The following MAP4 variants were observed in gnomAD, a reference collection of about 807,000 sequenced individuals.
The protein encoded by MAP4 is microtubule-associated protein 4.
In MAP4, 76 loss-of-function variants were observed where a neutral mutation model predicts 170.2. The ratio of observed to expected loss-of-function variants is 0.45; its 90% confidence interval spans 0.37 to 0.54. The LOEUF (loss-of-function observed/expected upper bound fraction) is 0.54, where lower values mean the gene tolerates loss of function less well. Among genes scored for constraint, MAP4 ranks in the 20% least tolerant of loss-of-function variants. The pLI, the probability that MAP4 is intolerant of heterozygous loss-of-function variation, is 0.00. For synonymous variants in MAP4, 909 were observed against 994.5 expected (o/e 0.91, Z 1.62); for missense variants, 2,506 against 2,748.0 (o/e 0.91, Z 1.97).
intron 10 of MAP4, among the ~76,000 whole-genome samples, chr3:47,899,855 G>C (rs9846669): frequency 1.3e-5 from 2 of 152,192 alleles, no homozygotes; most frequent in Non-Finnish European, 1.5e-5. Flanking sequence ...TGAAGAAAGC[G>C]CATGGATTCC....
intron 1 of MAP4, among the ~76,000 whole-genome samples, chr3:48,030,062 T>G (rs2100115211): frequency 6.8e-6 from 1 of 147,788 alleles, no homozygotes; most frequent in Non-Finnish European, 1.5e-5. Context: ...ATATTACATA[T>G]TCACATGTAA....
chr3:47,977,446 A>G (rs2100082824), intron 3 of MAP4, among the ~76,000 whole-genome samples: 1 of 152,218 alleles, frequency 6.6e-6, no homozygotes, highest in Non-Finnish European at 1.5e-5. Flanking sequence ...GGCAAAATAA[A>G]TAACTCCTAA....
rs761883593 is a variant in MAP4, at chr3:47,918,801, C to G, written c.570G>C (p.Trp190Cys). ...PCNTAVVPQG[W>C]SVEALNSPHS... is the part of the protein sequence containing the mutation. Reference sequence around the variant, plus strand: ...GTGGAGAGTTTAAGGCTTCCACAGACCACCCCTGAGGTACAACAGCTGTGT... The same window carrying G: ...GTGGAGAGTTTAAGGCTTCCACAGAGCACCCCTGAGGTACAACAGCTGTGT... The change falls in exon 6 of 21, where the codon TGG becomes TGC. Residue 190 changes from tryptophan (W) to cysteine (C), a missense_variant. Trp to Cys is a radical substitution (Grantham distance 215, BLOSUM62 -2). This residue lies in a region of MAP4 where 2,008 missense variants were observed against 2,206.0 expected (regional missense o/e 0.91). Coordinates refer to ENST00000683076, the MANE Select transcript of MAP4 (RefSeq NM_001385682.1). 6.2e-7 allele frequency: 1 copy of G among 1,613,172 alleles called. No individual in the cohort carries two copies. Among genetic ancestry groups the G allele is most frequent in the Non-Finnish European group, 8.5e-7 (1 of 1,179,200 alleles).
At chr3:47,926,754 T>G (rs938724037) in intron 4 of MAP4, among the ~76,000 whole-genome samples, 2 of 152,120 alleles carry the variant, frequency 1.3e-5, no homozygotes, top group South Asian at 2.1e-4. Context: ...CAGGCTGGTC[T>G]CAAACTCTTG....
intron 11 of MAP4, among the ~76,000 whole-genome samples, chr3:47,876,592 T>C (rs909033130): frequency 6.6e-6 from 1 of 152,186 alleles, no homozygotes; most frequent in Non-Finnish European, 1.5e-5. Flanking sequence ...CTGTATTTTT[T>C]TTAATAACTT....
chr3:47,996,449 T>C (rs763815200), intron 2 of MAP4, among the ~76,000 whole-genome samples: 20 of 152,072 alleles, frequency 1.3e-4, no homozygotes, highest in Non-Finnish European at 2.4e-4. Context: ...GAAAAGAGCA[T>C]GGACAAGGAC....
At chr3:48,037,798 T>C (rs1016444461) in intron 1 of MAP4, among the ~76,000 whole-genome samples, 2 of 152,214 alleles carry the variant, frequency 1.3e-5, no homozygotes, top group African/African-American at 4.8e-5. Context: ...ACACAGTTAA[T>C]GTATGACATG....
intron 10 of MAP4, among the ~76,000 whole-genome samples, chr3:47,889,075 A>G (rs948887870): frequency 5.3e-5 from 8 of 152,234 alleles, no homozygotes; most frequent in South Asian, 2.1e-4. Context: ...ACTCAATGCT[A>G]TTCTGTCCTG....
At chr3:47,879,105 G>A (rs1285511688) in intron 10 of MAP4, among the ~76,000 whole-genome samples, 1 of 152,052 alleles carries the variant, frequency 6.6e-6, no homozygotes, top group Non-Finnish European at 1.5e-5. Context: ...GTTTCTAAAA[G>A]CAAAAGAACA....
chr3:48,011,914 C>T (rs1579230447), intron 1 of MAP4, among the ~76,000 whole-genome samples: 1 of 152,282 alleles, frequency 6.6e-6, no homozygotes, highest in South Asian at 2.1e-4. Flanking sequence ...TTGATAGAGG[C>T]AAGAGGCAAA....
intron 1 of MAP4, among the ~76,000 whole-genome samples, chr3:48,060,783 G>A (rs1417038488): frequency 6.6e-6 from 1 of 151,850 alleles, no homozygotes. Context: ...CAAAAAAAAT[G>A]TAGCCAGTCT....
At chr3:48,031,183 G>A (rs2100115929) in intron 1 of MAP4, among the ~76,000 whole-genome samples, 1 of 152,224 alleles carries the variant, frequency 6.6e-6, no homozygotes, top group African/African-American at 2.4e-5. Flanking sequence ...GGCCAAGGCA[G>A]GAGGTTCACT....
intron 2 of MAP4, among the ~76,000 whole-genome samples, chr3:47,988,637 G>C (rs1437258720): frequency 6.6e-6 from 1 of 152,114 alleles, no homozygotes; most frequent in South Asian, 2.1e-4. Context: ...CTCAGTTTGT[G>C]CTCTGTATTG....
intron 2 of MAP4, among the ~76,000 whole-genome samples, chr3:47,995,990 C>T (rs906751301): frequency 1.3e-5 from 2 of 152,196 alleles, no homozygotes; most frequent in African/African-American, 4.8e-5. Flanking sequence ...GGAATTCACA[C>T]TCATTTGCAG....
intron 3 of MAP4, among the ~76,000 whole-genome samples, chr3:47,953,271 C>T (rs1259295753): frequency 2.6e-5 from 4 of 151,980 alleles, no homozygotes; most frequent in African/African-American, 7.3e-5. Flanking sequence ...CAGTTCACAC[C>T]TGTAATCTCA....
At chr3:47,975,586 T>C in intron 3 of MAP4, 1 of 737,420 alleles carries the variant, frequency 1.4e-6, no homozygotes, top group Non-Finnish European at 2.5e-6. Context: ...CCAAAGCTAT[T>C]AATGAAGCTG....
rs566043076 is a variant in MAP4 at position 48,081,588 on chromosome 3, T to G, written c.-20+7185A>C. On this transcript the variant is annotated intron_variant, in intron 1 of 18. Transcript: ENST00000360240. ...ATTAAATCAGCCAAATTTCTCACTTTCAGAGAAAGAAGCAAGGAAGAGAAT... is the reference window on the plus strand; with the variant it reads ...ATTAAATCAGCCAAATTTCTCACTTGCAGAGAAAGAAGCAAGGAAGAGAAT... Among the ~76,000 whole-genome samples the G allele has an allele frequency of 2.0e-5, 3 of 152,258 alleles. No individual in the cohort carries two copies. The South Asian group carries it at 6.2e-4, about 32-fold the overall frequency.
In MAP4 at chr3:47,917,123, G is replaced by C. The variant is rs1221820738; in HGVS notation, c.704C>G (p.Pro235Arg). 3 of 1,613,918 alleles carry C rather than the reference G, an allele frequency of 1.9e-6. No homozygotes were observed. The highest frequency in any genetic ancestry group is 2.5e-6 in the Non-Finnish European group (3 of 1,179,940). ...EIEMASEERP[P>R]AQALEIMMGL... ...CATCATTATTTCCAATGCTTGTGCT[G>C]GTGGCCTCTCTTCTGATGCCATTTC... The change falls in exon 7 of 21, where the codon CCA (proline) becomes CGA (arginine). Residue 235 changes from proline (P) to arginine (R), a missense_variant. Coordinates refer to ENST00000683076, the MANE Select transcript of MAP4 (RefSeq NM_001385682.1).
At chr3:47,983,081 C>T (rs1441006029) in intron 2 of MAP4, among the ~76,000 whole-genome samples, 1 of 151,980 alleles carries the variant, frequency 6.6e-6, no homozygotes, top group Non-Finnish European at 1.5e-5. Context: ...ATTTTTTTAT[C>T]TTCATTAGAG....
Sources: allele counts gnomAD v4.1 joint callset (sites outside exome capture counted in the v4.1 genomes callset), GRCh38; gene constraint gnomAD v4.1.1; regional missense constraint gnomAD v4.1.1; transcripts MANE v1.5; gene names NCBI Gene and HGNC (gene_info 2026-07-23, HGNC 2026-07-21).